Variants in CLASP1 observed in about 807,000 individuals in gnomAD.
CLASP1 encodes CLIP-associating protein 1.
A neutral mutation model predicts 192.3 loss-of-function variants in CLASP1; 38 were observed. The ratio of observed to expected loss-of-function variants is 0.20; its 90% CI spans 0.15 to 0.26. The LOEUF is 0.26. Among genes scored for constraint, CLASP1 ranks in the 10% least tolerant of loss-of-function variants. The pLI, the probability that CLASP1 is intolerant of heterozygous loss-of-function variation, is 1.00. For synonymous variants in CLASP1, 691 were observed against 712.8 expected (o/e 0.97, Z 0.49); for missense variants, 1,433 against 1,932.5 (o/e 0.74, Z 4.85).
intron 2 of CLASP1, among the ~76,000 whole-genome samples, chr2:121,567,260 G>A (rs936227766): frequency 6.6e-6 from 1 of 152,204 alleles, no homozygotes; most frequent in African/African-American, 2.4e-5. Flanking sequence ...GCACTGTCCT[G>A]TCCTGATGCT....
At chr2:121,538,889 A>C (rs1006192265) in intron 2 of CLASP1, among the ~76,000 whole-genome samples, 2 of 152,282 alleles carry the variant, frequency 1.3e-5, no homozygotes, top group Non-Finnish European at 2.9e-5. Context: ...CTATTCTCAT[A>C]ATAAGCCAAA....
chr2:121,485,960 AG>A (rs1427725228), intron 8 of CLASP1, among the ~76,000 whole-genome samples: 4 of 152,332 alleles, frequency 2.6e-5, no homozygotes, highest in African/African-American at 9.6e-5. Context: ...AGGCCACAGA[AG>A]TCCAGGCAAG....
intron 2 of CLASP1, among the ~76,000 whole-genome samples, chr2:121,569,203 T>TA (rs2059771643): frequency 6.6e-6 from 1 of 152,140 alleles, no homozygotes. Flanking sequence ...AGTGGCAAAG[T>TA]AATTGACTGA....
chr2:121,372,676 C>T (rs1246380423), intron 34 of CLASP1, among the ~76,000 whole-genome samples: 1 of 152,186 alleles, frequency 6.6e-6, no homozygotes, highest in Non-Finnish European at 1.5e-5. Flanking sequence ...CTATTCAATC[C>T]CACTTCCTTC....
intron 2 of CLASP1, among the ~76,000 whole-genome samples, chr2:121,544,845 G>A (rs1398446968): frequency 1.3e-5 from 2 of 151,886 alleles, no homozygotes; most frequent in Non-Finnish European, 2.9e-5. Context: ...GATGGCAAAA[G>A]GGATTCTCAG....
At chr2:121,498,956 T>TA (rs2093638201) in intron 8 of CLASP1, among the ~76,000 whole-genome samples, 1 of 152,226 alleles carries the variant, frequency 6.6e-6, no homozygotes, top group Admixed American at 6.5e-5. Context: ...TGGAAACTCT[T>TA]ACAGGTTGCT....
intron 8 of CLASP1, among the ~76,000 whole-genome samples, chr2:121,475,014 A>T (rs1009599407): frequency 6.6e-6 from 1 of 152,128 alleles, no homozygotes; most frequent in African/African-American, 2.4e-5. Flanking sequence ...AAACCCCTAA[A>T]CCCAAAATGC....
exon 40 of CLASP1, chr2:121,339,170 C>CA (rs540674850): frequency 1.3e-5 from 2 of 152,850 alleles, no homozygotes; most frequent in African/African-American, 4.9e-5. Flanking sequence ...CACACACACA[C>CA]GTCAGCACCC....
At chr2:121,580,880 T>G (rs2061052397) in intron 2 of CLASP1, among the ~76,000 whole-genome samples, 2 of 152,326 alleles carry the variant, frequency 1.3e-5, no homozygotes, top group South Asian at 4.1e-4. Flanking sequence ...ACTACATTCC[T>G]GTCTGAGAAA....
intron 8 of CLASP1, among the ~76,000 whole-genome samples, chr2:121,475,097 C>T (rs1315797211): frequency 6.6e-6 from 1 of 152,134 alleles, no homozygotes; most frequent in African/African-American, 2.4e-5. Context: ...TGCACAACAA[C>T]TTAAGATTCA....
chr2:121,490,436 A>G (rs2093239945), intron 8 of CLASP1: 1 of 262,840 alleles, frequency 3.8e-6, no homozygotes, highest in Admixed American at 5.4e-5. Flanking sequence ...ATTCCAAAAT[A>G]AAAGCCTAGA....
At chr2:121,600,279 A>AT (rs1460582406) in intron 2 of CLASP1, among the ~76,000 whole-genome samples, 1 of 152,210 alleles carries the variant, frequency 6.6e-6, no homozygotes, top group African/African-American at 2.4e-5. Context: ...ATTACAAACC[A>AT]TAAGACATAG....
At chr2:121,545,620 A>C (rs1198200746) in intron 2 of CLASP1, among the ~76,000 whole-genome samples, 1 of 152,162 alleles carries the variant, frequency 6.6e-6, no homozygotes, top group Non-Finnish European at 1.5e-5. Flanking sequence ...TTGACCCTCT[A>C]TCTGCATTTC....
chr2:121,390,378 G>A (rs2074132453), intron 30 of CLASP1, among the ~76,000 whole-genome samples: 1 of 152,224 alleles, frequency 6.6e-6, no homozygotes, highest in African/African-American at 2.4e-5. Context: ...GCAGCCAGAT[G>A]AAAAACTCAG....
Position 121,648,659 on chromosome 2 carries a change from C to A in CLASP1, c.-286+713G>T, listed in dbSNP as rs554685966. Among the ~76,000 whole-genome samples, 6 of 152,352 alleles carry A rather than the reference C, an allele frequency of 3.9e-5. No homozygotes were observed. In the South Asian group the frequency reaches 1.2e-3, roughly 32 times the overall value. ...CTAGCCAGGCTAACGTGCAAGATCACACACTCATCTTCGTCAGAGCGTCTC... is the reference window on the plus strand; with the variant it reads ...CTAGCCAGGCTAACGTGCAAGATCAAACACTCATCTTCGTCAGAGCGTCTC... On this transcript the variant is annotated intron_variant, in intron 1 of 39. Transcript: ENST00000263710.
chr2:121,452,526 C>T (rs2085703468), intron 14 of CLASP1, among the ~76,000 whole-genome samples: 1 of 152,218 alleles, frequency 6.6e-6, no homozygotes, highest in Admixed American at 6.5e-5. Context: ...CACAGTGGCT[C>T]ACTCCTGTAA....
intron 8 of CLASP1, 97 bp downstream of exon 8, chr2:121,503,068 ACT>A: frequency 1.3e-6 from 1 of 750,702 alleles, no homozygotes; most frequent in Non-Finnish European, 2.2e-6. Context: ...AGACTTAGAA[ACT>A]CTTACTAAAT....
In CLASP1 at chr2:121,450,242, A is replaced by G. The variant is rs2085176973; in HGVS notation, c.1523+671T>C. 2.0e-5 allele frequency among the ~76,000 whole-genome samples: 3 copies of G among 152,008 alleles called. No homozygotes were observed. In the South Asian group the frequency reaches 6.2e-4, roughly 32 times the overall value. On this transcript the variant is annotated intron_variant, in intron 16 of 39. Coordinates refer to ENST00000263710, the Ensembl canonical transcript of CLASP1. ...GCTACTTGGGAGGCTGAGGTAGGAG[A>G]ATGACGAGAACCTGGGAGGTGGAGC... is the stretch of plus-strand genomic sequence containing the variant.
At chr2:121,351,018 T>C (rs2064271221) in intron 37 of CLASP1, among the ~76,000 whole-genome samples, 1 of 152,188 alleles carries the variant, frequency 6.6e-6, no homozygotes, top group Non-Finnish European at 1.5e-5. Context: ...CAGGGAAAAC[T>C]GGCAGCCCAG....
Sources: gnomAD v4.1 joint callset for allele counts (sites outside exome capture counted in the v4.1 genomes callset) on GRCh38, gnomAD v4.1.1 for gene constraint, MANE v1.5 for transcripts, NCBI Gene and HGNC (gene_info 2026-07-23, HGNC 2026-07-21) for gene names.